The following ALCAM variants were observed in gnomAD, a reference collection of about 807,000 sequenced individuals.
ALCAM encodes the protein activated leukocyte cell adhesion molecule.
Under a neutral mutation model 70.9 loss-of-function variants are expected in ALCAM, and 30 were observed. That is an observed-to-expected ratio of 0.42 (90% CI 0.32 to 0.57). The LOEUF is 0.57. Ranked by LOEUF, ALCAM falls within the 20% of genes least tolerant of loss-of-function variation. The pLI, the probability that ALCAM is intolerant of heterozygous loss-of-function variation, is 0.11. For missense variants in ALCAM, 591 were observed against 695.1 expected (o/e 0.85, Z 1.68); for synonymous variants, 249 against 242.5 (o/e 1.03, Z -0.25).
chr3:105,553,107 A>G, intron 14 of ALCAM: 1 of 983,154 alleles, frequency 1.0e-6, no homozygotes, highest in South Asian at 4.7e-5. Context: ...CATTATGTCA[A>G]CTTGAGTTTT....
intron 1 of ALCAM, among the ~76,000 whole-genome samples, chr3:105,481,927 C>T (rs973619612): frequency 2.6e-5 from 4 of 151,952 alleles, no homozygotes; most frequent in Non-Finnish European, 4.4e-5. Flanking sequence ...TACATTTATT[C>T]GCTTTTTCAC....
intron 14 of ALCAM, among the ~76,000 whole-genome samples, chr3:105,568,622 A>G (rs991271587): frequency 5.3e-5 from 8 of 152,204 alleles, no homozygotes; most frequent in African/African-American, 1.7e-4. Context: ...ATCATAGTGT[A>G]TACGCAAATT....
intron 1 of ALCAM, among the ~76,000 whole-genome samples, chr3:105,509,909 TTTTAA>T (rs1939190148): frequency 6.6e-6 from 1 of 152,196 alleles, no homozygotes; most frequent in African/African-American, 2.4e-5. Flanking sequence ...TATTTTTTAT[TTTTAA>T]TTTAACTAAC....
chr3:105,389,645 A>G (rs1935759906), intron 1 of ALCAM, among the ~76,000 whole-genome samples: 2 of 151,492 alleles, frequency 1.3e-5, no homozygotes, highest in African/African-American at 4.8e-5. Flanking sequence ...AAATAGGTAA[A>G]TGTGTGGCAT....
intron 1 of ALCAM, among the ~76,000 whole-genome samples, chr3:105,463,048 A>G (rs559553184): frequency 1.3e-5 from 2 of 151,540 alleles, no homozygotes; most frequent in Non-Finnish European, 3.0e-5. Context: ...CTAGTCTTTC[A>G]TAGCTGACGT....
chr3:105,560,051 A>G (rs1467110652), intron 14 of ALCAM, among the ~76,000 whole-genome samples: 4 of 152,132 alleles, frequency 2.6e-5, no homozygotes, highest in African/African-American at 9.7e-5. Context: ...TTGCAGACAT[A>G]TGTTTCTATT....
At chr3:105,541,970 C>T (rs142475759) in intron 8 of ALCAM, among the ~76,000 whole-genome samples, 86 of 151,998 alleles carry the variant, frequency 5.7e-4, no homozygotes, top group Middle Eastern at 3.4e-3. Flanking sequence ...CTCTGATAAC[C>T]GCAACTTTTG....
At chr3:105,495,475 T>G (rs184681117) in intron 1 of ALCAM, among the ~76,000 whole-genome samples, 1 of 151,530 alleles carries the variant, frequency 6.6e-6, no homozygotes, top group East Asian at 1.9e-4. Context: ...AAGATGGGTA[T>G]AGACAGAAAG....
At chr3:105,473,097 A>G (rs1937982131) in intron 1 of ALCAM, among the ~76,000 whole-genome samples, 2 of 151,574 alleles carry the variant, frequency 1.3e-5, no homozygotes, top group South Asian at 4.1e-4. Context: ...TTAGTTTCTC[A>G]AAACTAATGA....
intron 1 of ALCAM, among the ~76,000 whole-genome samples, chr3:105,386,802 T>A (rs1437174451): frequency 1.3e-5 from 2 of 151,550 alleles, no homozygotes; most frequent in Non-Finnish European, 3.0e-5. Flanking sequence ...TGCAAAGCGC[T>A]AATTCAGGAA....
At chr3:105,519,937 A>G in intron 1 of ALCAM, 130 bp from the exon 2 acceptor site, 1 of 543,908 alleles carries the variant, frequency 1.8e-6, no homozygotes, top group Non-Finnish European at 3.3e-6. Context: ...TATACCATTT[A>G]AAATAAAACT....
At chr3:105,375,277 T>C (rs1935346706) in intron 1 of ALCAM, among the ~76,000 whole-genome samples, 1 of 152,216 alleles carries the variant, frequency 6.6e-6, no homozygotes, top group African/African-American at 2.4e-5. Context: ...AATGGCATCC[T>C]TTTTCATTTT....
intron 3 of ALCAM, among the ~76,000 whole-genome samples, chr3:105,530,883 A>T (rs145573106): frequency 6.6e-6 from 1 of 152,020 alleles, no homozygotes; most frequent in Admixed American, 6.6e-5. Context: ...CCTGTTTTCT[A>T]TAATGATCTA....
intron 1 of ALCAM, among the ~76,000 whole-genome samples, chr3:105,460,911 T>G (rs1937592631): frequency 1.3e-5 from 2 of 150,632 alleles, no homozygotes; most frequent in Admixed American, 6.7e-5. Flanking sequence ...AGATATATGT[T>G]TTCAATTTAA....
chr3:105,509,209 T>G (rs1255379142), intron 1 of ALCAM, among the ~76,000 whole-genome samples: 4 of 152,108 alleles, frequency 2.6e-5, no homozygotes, highest in Non-Finnish European at 5.9e-5. Context: ...TATTGATTCC[T>G]TTCTTTTAGG....
chr3:105,428,587 C>T (rs140682755), intron 1 of ALCAM, among the ~76,000 whole-genome samples: 35 of 151,940 alleles, frequency 2.3e-4, no homozygotes, highest in African/African-American at 8.2e-4. Flanking sequence ...ATAGACATTA[C>T]AGTCCTGACC....
intron 14 of ALCAM, among the ~76,000 whole-genome samples, chr3:105,561,732 AACT>A: frequency 6.6e-6 from 1 of 152,174 alleles, no homozygotes; most frequent in Non-Finnish European, 1.5e-5. Context: ...AGATTCACAG[AACT>A]TACTAAAATT....
intron 1 of ALCAM, among the ~76,000 whole-genome samples, chr3:105,415,628 G>A (rs540897601): frequency 5.3e-5 from 8 of 152,088 alleles, no homozygotes; most frequent in South Asian, 4.1e-4. Flanking sequence ...TTTTTGAATC[G>A]ATAACCTTTT....
chr3:105,464,281 A>G (rs1937653929), intron 1 of ALCAM, among the ~76,000 whole-genome samples: 2 of 151,338 alleles, frequency 1.3e-5, no homozygotes, highest in African/African-American at 4.8e-5. Flanking sequence ...ATAGGTTAAT[A>G]TTTTTATATT....
Sources: allele counts gnomAD v4.1 joint callset (sites outside exome capture counted in the v4.1 genomes callset), GRCh38; gene constraint gnomAD v4.1.1; transcripts MANE v1.5; gene names NCBI Gene and HGNC (gene_info 2026-07-23, HGNC 2026-07-21).